Variants in HNF4G observed in about 807,000 individuals in gnomAD.
HNF4G encodes the protein hepatocyte nuclear factor 4-gamma.
HNF4G carries 21 observed loss-of-function variants against 50.9 expected under a neutral mutation model. The observed-to-expected ratio is 0.41, with a 90% CI of 0.29 to 0.59. The LOEUF is 0.59. Ranked by LOEUF, HNF4G falls within the 20% of genes least tolerant of loss-of-function variation. The pLI is 0.26. For synonymous variants in HNF4G, 198 were observed against 185.6 expected (o/e 1.07, Z -0.54); for missense variants, 527 against 559.4 (o/e 0.94, Z 0.58).
intron 2 of HNF4G, among the ~76,000 whole-genome samples, chr8:75,494,414 T>G (rs949413712): frequency 6.6e-6 from 1 of 152,030 alleles, no homozygotes; most frequent in African/African-American, 2.4e-5. Context: ...ATTTAAGTCA[T>G]TTTTATTGCC....
In HNF4G at chr8:75,424,783, G is replaced by A. The variant is rs115304265; in HGVS notation, c.-144+16621G>A. On this transcript the variant is annotated intron_variant, in intron 1 of 10. Coordinates refer to the HNF4G transcript ENST00000354370. The stretch of plus-strand genomic sequence containing the variant: ...ATATATATGCCATATTTTCTTTATC[G>A]AATCCACCATTGATGGACACCAAGG... Among the ~76,000 whole-genome samples, 1,240 of 151,968 alleles carry A rather than the reference G, an allele frequency of 8.2e-3. 20 individuals carry two copies. Among genetic ancestry groups the A allele is most frequent in the African/African-American group, 0.029 (1,188 of 41,432 alleles).
chr8:75,416,928 C>T (rs1782232273), intron 1 of HNF4G, among the ~76,000 whole-genome samples: 1 of 152,176 alleles, frequency 6.6e-6, no homozygotes, highest in African/African-American at 2.4e-5. Flanking sequence ...GTTTACTGTA[C>T]ATTGTGAGAC....
Position 75,526,706 on chromosome 8 carries a change from T to A in HNF4G, c.-23-17105T>A, listed in dbSNP as rs113422825. ...TGCCACCACACAAGACTAATTAAAA[T>A]TTTTTTTTTTTTTTTAGTAGAGACA... On this transcript the variant is annotated intron_variant, in intron 2 of 10. Coordinates refer to the HNF4G transcript ENST00000354370. Among the ~76,000 whole-genome samples, 733 of 131,268 alleles carry A rather than the reference T, an allele frequency of 5.6e-3. 6 individuals carry two copies. The highest frequency in any genetic ancestry group is 0.019 in the African/African-American group (622 of 32,122). 86.1% of individuals were successfully genotyped at this position (131,268 alleles called of 152,430 possible). A position where few individuals can be genotyped will look rare whatever the true frequency, so the allele number is the denominator to read the frequency against.
At chr8:75,447,640 C>G (rs1288543860) in intron 1 of HNF4G, among the ~76,000 whole-genome samples, 1 of 152,168 alleles carries the variant, frequency 6.6e-6, no homozygotes, top group African/African-American at 2.4e-5. Flanking sequence ...ACAGACACTT[C>G]TCAAAAGAAT....
At chr8:75,471,688 G>A (rs1812117940) in intron 1 of HNF4G, among the ~76,000 whole-genome samples, 2 of 152,110 alleles carry the variant, frequency 1.3e-5, no homozygotes, top group Admixed American at 1.3e-4. Context: ...TATGAATTCA[G>A]ATATTTAGCT....
intron 1 of HNF4G, among the ~76,000 whole-genome samples, chr8:75,462,867 G>T (rs34119179): frequency 0.05 from 7,634 of 152,078 alleles, 264 homozygotes; most frequent in Non-Finnish European, 0.072. Context: ...AAATAACAAA[G>T]ATAGAGAAGG....
intron 1 of HNF4G, among the ~76,000 whole-genome samples, chr8:75,474,122 A>G (rs1026736386): frequency 1.2e-4 from 18 of 152,208 alleles, no homozygotes; most frequent in Admixed American, 6.5e-5. Flanking sequence ...ACTTTGAAAG[A>G]AAGAGATTCC....
At chr8:75,508,107 A>G (rs1805643329) in intron 2 of HNF4G, among the ~76,000 whole-genome samples, 1 of 152,128 alleles carries the variant, frequency 6.6e-6, no homozygotes, top group African/African-American at 2.4e-5. Context: ...ATGTCGTTGG[A>G]ACAGGAATAG....
chr8:75,466,154 A>G (rs1464539786), intron 1 of HNF4G, among the ~76,000 whole-genome samples: 2 of 152,168 alleles, frequency 1.3e-5, no homozygotes, highest in East Asian at 3.9e-4. Flanking sequence ...GACTTTAAAC[A>G]CCACATTGTC....
intron 1 of HNF4G, among the ~76,000 whole-genome samples, chr8:75,419,328 A>G (rs548633720): frequency 3.0e-4 from 45 of 152,270 alleles, no homozygotes; most frequent in African/African-American, 1.0e-3. Context: ...GCATTTATGT[A>G]TCACCTTAAT....
chr8:75,550,545 T>G (rs1806919386), intron 3 of HNF4G, among the ~76,000 whole-genome samples: 2 of 152,264 alleles, frequency 1.3e-5, no homozygotes, highest in Admixed American at 1.3e-4. Context: ...ACTTTTGACC[T>G]CAGCCTCGCA....
chr8:75,475,424 G>A (rs770659679), intron 1 of HNF4G, among the ~76,000 whole-genome samples: 8 of 151,906 alleles, frequency 5.3e-5, no homozygotes, highest in Non-Finnish European at 8.8e-5. Context: ...TGTCCTGTGA[G>A]CACATGTGTA....
intron 1 of HNF4G, among the ~76,000 whole-genome samples, chr8:75,456,802 A>G (rs987974245): frequency 1.3e-5 from 2 of 151,992 alleles, no homozygotes; most frequent in African/African-American, 4.8e-5. Context: ...GTGCAGTGGC[A>G]TGATCATAAC....
intron 1 of HNF4G, among the ~76,000 whole-genome samples, chr8:75,457,568 T>A (rs62521436): frequency 0.16 from 24,500 of 152,168 alleles, 2,293 homozygotes; most frequent in African/African-American, 0.25. Context: ...TAGATTTTAC[T>A]AAGGATTATT....
chr8:75,520,121 T>C (rs1292712175), intron 2 of HNF4G, among the ~76,000 whole-genome samples: 5 of 152,186 alleles, frequency 3.3e-5, no homozygotes, highest in Non-Finnish European at 7.3e-5. Context: ...TTTAGTTTTT[T>C]GTTGAATAAA....
chr8:75,560,989 C>A (rs1037953588), intron 9 of HNF4G, among the ~76,000 whole-genome samples: 1 of 152,016 alleles, frequency 6.6e-6, no homozygotes, highest in Non-Finnish European at 1.5e-5. Flanking sequence ...GGTTTTATTT[C>A]TCTATAAAAA....
At chr8:75,449,537 C>T (rs1165416357) in intron 1 of HNF4G, among the ~76,000 whole-genome samples, 1 of 137,110 alleles carries the variant, frequency 7.3e-6, no homozygotes, top group Non-Finnish European at 1.5e-5. Flanking sequence ...GACGGAGTCT[C>T]ACTCTGTCGC....
At chr8:75,545,437 T>A (rs975041597) in intron 2 of HNF4G, among the ~76,000 whole-genome samples, 1 of 152,110 alleles carries the variant, frequency 6.6e-6, no homozygotes, top group Non-Finnish European at 1.5e-5. Context: ...AGAGTTTAAC[T>A]CCTGCACCTT....
chr8:75,467,052 A>C (rs1812006058), intron 1 of HNF4G, among the ~76,000 whole-genome samples: 1 of 151,590 alleles, frequency 6.6e-6, no homozygotes, highest in Non-Finnish European at 1.5e-5. Context: ...TTTTTCTTTT[A>C]TTTTTTCGTT....
Sources: allele counts gnomAD v4.1 joint callset (sites outside exome capture counted in the v4.1 genomes callset), GRCh38; gene constraint gnomAD v4.1.1; transcripts MANE v1.5; gene names NCBI Gene and HGNC (gene_info 2026-07-23, HGNC 2026-07-21).